OVCH2: variants seen among roughly 807,000 people sequenced by gnomAD.
The protein encoded by OVCH2 is ovochymase 2, also known as ovochymase-2.
In OVCH2, 88 loss-of-function variants were observed where a neutral mutation model predicts 73.7. That is an observed-to-expected ratio of 1.19 (90% CI 1.01 to 1.43). The LOEUF (loss-of-function observed/expected upper bound fraction) is 1.43. Among genes scored for constraint, OVCH2 ranks in the 40% most tolerant of loss-of-function variants. OVCH2 has a pLI of 0.00. For synonymous variants in OVCH2, 265 were observed against 234.5 expected, an observed-to-expected ratio of 1.13 and a Z score of -1.19; for missense variants, 706 against 674.5, an observed-to-expected ratio of 1.05 and a Z score of -0.52.
Position 7,700,431 on chromosome 11 carries a change from C to A in OVCH2, c.766G>T (p.Ala256Ser). The stretch of plus-strand genomic sequence containing the variant: ...CCCAAACCCCAGGAAGTCACACCAG[C>A]CAGAGTCCAGGCCCCTTTCTTATTC... ...CRNKKGAWTL[A>S]GVTSWGLGCG... The change falls in exon 7 of 16, where the codon GCT becomes TCT. Residue 256 changes from alanine to serine, a missense_variant. Transcript: ENST00000533663. The A allele has an allele frequency of 6.2e-7, 1 of 1,611,988 alleles. No homozygotes were observed. The highest frequency in any genetic ancestry group is 2.2e-5 in the East Asian group (1 of 44,798).
At chr11:7,698,902 G>A in intron 7 of OVCH2, 129 bp from the exon 8 acceptor site, 2 of 909,760 alleles carry the variant, frequency 2.2e-6, no homozygotes, top group Admixed American at 5.1e-5. Context: ...TCTTATCTGT[G>A]GAAAGAAGGG....
At chr11:7,694,803 C>CT (rs34314441) in intron 12 of OVCH2, among the ~76,000 whole-genome samples, 2,948 of 108,342 alleles carry the variant, frequency 0.027, 54 homozygotes, top group Non-Finnish European at 0.028. Context: ...TAAAGCGGCA[C>CT]TTTTTTTTTT....
intron 3 of OVCH2, among the ~76,000 whole-genome samples, chr11:7,703,495 C>T (rs1192100807): frequency 6.6e-6 from 1 of 151,996 alleles, no homozygotes; most frequent in African/African-American, 2.4e-5. Context: ...CGAATTTTAC[C>T]TCTGAAAAGA....
Position 7,697,432 on chromosome 11 carries a change from A to T in OVCH2, c.926-633T>A, listed in dbSNP as rs142130296. On this transcript the variant is annotated intron_variant, in intron 8 of 15. Coordinates refer to ENST00000533663, the MANE Select transcript of OVCH2 (RefSeq NM_198185.7). ...CGTCCTCATCTGCTCTGTCTCTATGATCCCTTGGACCAGGTTCATTCACAC... is the reference window on the plus strand; with the variant it reads ...CGTCCTCATCTGCTCTGTCTCTATGTTCCCTTGGACCAGGTTCATTCACAC... Among the ~76,000 whole-genome samples, 70 of 152,184 alleles carry T rather than the reference A, an allele frequency of 4.6e-4. No individual in the cohort carries two copies. In the East Asian group the frequency reaches 0.012, roughly 26 times the overall value.
downstream of OVCH2, among the ~76,000 whole-genome samples, chr11:7,688,247 C>T (rs1256899228): frequency 6.6e-6 from 1 of 152,148 alleles, no homozygotes; most frequent in Non-Finnish European, 1.5e-5. Context: ...TCCCAGACCA[C>T]CCCATCCCAG....
At chr11:7,704,814 A>G in intron 1 of OVCH2, 140 bp from the exon 2 acceptor site, 1 of 599,196 alleles carries the variant, frequency 1.7e-6, no homozygotes, top group South Asian at 2.3e-5. Context: ...ATAAATCTTT[A>G]TTGGATTTAA....
intron 11 of OVCH2, 133 bp downstream of exon 11, chr11:7,695,437 G>T: frequency 2.0e-6 from 2 of 983,116 alleles, no homozygotes; most frequent in Non-Finnish European, 3.0e-6. Context: ...TTCTCTAGTT[G>T]GCCTGTGCCC....
chr11:7,684,759 G>C (rs1590898141), downstream of OVCH2, among the ~76,000 whole-genome samples: 1 of 152,086 alleles, frequency 6.6e-6, no homozygotes, highest in East Asian at 1.9e-4. Context: ...TGGTGGGATG[G>C]AATCAGCGAA....
chr11:7,682,567 C>A, the OVCH2 span, among the ~76,000 whole-genome samples: 1 of 152,216 alleles, frequency 6.6e-6, no homozygotes, highest in African/African-American at 2.4e-5. Flanking sequence ...AGAAAACATA[C>A]ATTTTTCCTC....
intron 1 of OVCH2, among the ~76,000 whole-genome samples, chr11:7,706,019 A>G (rs1856523415): frequency 6.6e-6 from 1 of 152,170 alleles, no homozygotes; most frequent in South Asian, 2.1e-4. Flanking sequence ...GGATTATGTA[A>G]TGGGTTCAAG....
In OVCH2 at chr11:7,692,003, G is replaced by A. The variant is rs780112837; in HGVS notation, c.1414-8C>T. ...CAGACTCTGAAATGAAAGCTGAGAA[G>A]ACACGAAGTTACATCCAGAGTAAAC... is the stretch of plus-strand genomic sequence containing the variant. On this transcript the variant is annotated splice_polypyrimidine_tract_variant and splice_region_variant and intron_variant, in intron 12 of 15. Coordinates refer to ENST00000533663, the MANE Select transcript of OVCH2 (RefSeq NM_198185.7). 1.3e-6 allele frequency: 2 copies of A among 1,547,672 alleles called. No individual in the cohort carries two copies. Among genetic ancestry groups the A allele is most frequent in the African/African-American group, 2.7e-5 (2 of 73,412 alleles).
chr11:7,694,633 TG>T (rs57616574), intron 12 of OVCH2, among the ~76,000 whole-genome samples: 4 of 924 alleles, frequency 4.3e-3, no homozygotes, highest in Non-Finnish European at 0.014. Context: ...TTTTGTTTTG[TG>T]TTTTGAGAGT....
the OVCH2 span, among the ~76,000 whole-genome samples, chr11:7,683,783 G>A: frequency 3.9e-5 from 6 of 152,032 alleles, no homozygotes; most frequent in East Asian, 1.9e-4. Context: ...CAGGTCTTTC[G>A]TACTTGCCTT....
chr11:7,706,332 T>C lies in OVCH2; in HGVS notation c.63A>G (p.Lys21=). Residue 21 remains lysine (K), a synonymous_variant, in exon 1 of 16, where the codon AAA becomes AAG. Transcript: ENST00000533663. ...CTTTGGGGAGCGAAAGAGTTGCAGA[T>C]TTACCTCGTTCAAAAAAGACTATTC... ...LLGIVFFERG[K]SATLSLPKAP... is the part of the protein sequence containing the mutation. The C allele has an allele frequency of 6.3e-7, 1 of 1,591,634 alleles. No homozygotes were observed. The highest frequency in any genetic ancestry group is 1.1e-5 in the South Asian group (1 of 87,262).
rs370748900 is a variant in OVCH2 at position 7,696,802 on chromosome 11, G to C, written c.926-3C>G. On this transcript the variant is annotated splice_region_variant and splice_polypyrimidine_tract_variant and intron_variant, in intron 8 of 15. Transcript: ENST00000533663. ...GACATCCTGCTCACTGCACCAGGCT[G>C]GGAGGGAAAGCCAGGAGAGTCAGGG... The C allele has an allele frequency of 1.2e-6, 2 of 1,604,486 alleles. 1 individual carries two copies. The highest frequency in any genetic ancestry group is 1.7e-6 in the Non-Finnish European group (2 of 1,175,608).
At chr11:7,680,131 C>A in the OVCH2 span, among the ~76,000 whole-genome samples, 4 of 152,194 alleles carry the variant, frequency 2.6e-5, no homozygotes, top group Non-Finnish European at 5.9e-5. Context: ...TCATGGGAAC[C>A]CCACTTCATA....
downstream of OVCH2, among the ~76,000 whole-genome samples, chr11:7,684,790 A>T (rs1173303376): frequency 6.6e-6 from 1 of 152,122 alleles, no homozygotes; most frequent in Non-Finnish European, 1.5e-5. Flanking sequence ...CCTAGTGCTG[A>T]GGAGCTTCCT....
chr11:7,706,324 G>C lies in OVCH2; in HGVS notation c.71C>G (p.Thr24Ser), dbSNP rs1856529017. ...IVFFERGKSA[T>S]LSLPKAPSCG... ...AAACTTACCTTTGGGGAGCGAAAGA[G>C]TTGCAGATTTACCTCGTTCAAAAAA... is the stretch of plus-strand genomic sequence containing the variant. Residue 24 changes from threonine to serine, a missense_variant, in exon 1 of 16, where the codon ACT becomes AGT. By Grantham distance (58) the Thr-to-Ser change is moderately conservative. Coordinates refer to ENST00000533663, the MANE Select transcript of OVCH2 (RefSeq NM_198185.7). 1 of 1,590,086 alleles carries C rather than the reference G, an allele frequency of 6.3e-7. No homozygotes were observed. The highest frequency in any genetic ancestry group is 1.3e-5 in the African/African-American group (1 of 74,644).
downstream of OVCH2, among the ~76,000 whole-genome samples, chr11:7,687,792 C>T (rs55951927): frequency 1.3e-5 from 2 of 152,266 alleles, no homozygotes; most frequent in Non-Finnish European, 2.9e-5. Context: ...GTTCTGGAGA[C>T]TGCCAAGTCC....
Sources: gnomAD v4.1 joint callset for allele counts (sites outside exome capture counted in the v4.1 genomes callset) on GRCh38, gnomAD v4.1.1 for gene constraint, MANE v1.5 for transcripts, NCBI Gene and HGNC (gene_info 2026-07-23, HGNC 2026-07-21) for gene names.